Variants in RBL1 observed in about 807,000 individuals in gnomAD.
The protein encoded by RBL1 is RB transcriptional corepressor like 1, also known as retinoblastoma-like protein 1.
Under a neutral mutation model 123.0 loss-of-function variants are expected in RBL1, and 82 were observed. The ratio of observed to expected loss-of-function variants is 0.67; its 90% CI spans 0.56 to 0.80. The LOEUF is 0.80. Among genes scored for constraint, RBL1 ranks in the 30% least tolerant of loss-of-function variants. The pLI is 0.00. For synonymous variants in RBL1, 405 were observed against 441.3 expected, an observed-to-expected ratio of 0.92 and a Z score of 1.03; for missense variants, 1,171 against 1,299.6, an observed-to-expected ratio of 0.90 and a Z score of 1.52.
At chr20:37,051,741 A>G (rs1050742666) in intron 11 of RBL1, among the ~76,000 whole-genome samples, 1 of 152,108 alleles carries the variant, frequency 6.6e-6, no homozygotes, top group Non-Finnish European at 1.5e-5. Context: ...AACAAACAGA[A>G]AACAAAAATA....
chr20:37,093,064 A>G (rs1432248310), intron 1 of RBL1, among the ~76,000 whole-genome samples: 2 of 152,146 alleles, frequency 1.3e-5, no homozygotes, highest in Non-Finnish European at 2.9e-5. Context: ...AACTGAAGAT[A>G]AAGTGTTGTA....
At chr20:37,013,435 C>T (rs201511000) in intron 19 of RBL1, among the ~76,000 whole-genome samples, 9 of 151,034 alleles carry the variant, frequency 6.0e-5, no homozygotes, top group South Asian at 4.2e-4. Context: ...TCAAGTACCC[C>T]GGGACACAAA....
At chr20:37,020,088 C>CT (rs34470853) in intron 18 of RBL1, among the ~76,000 whole-genome samples, 12,644 of 135,816 alleles carry the variant, frequency 0.093, 845 homozygotes, top group East Asian at 0.2. Context: ...TTATACATAA[C>CT]TTTTTTTTTT....
At chr20:37,005,531 G>A (rs943665148) in intron 20 of RBL1, among the ~76,000 whole-genome samples, 2 of 152,040 alleles carry the variant, frequency 1.3e-5, no homozygotes, top group Non-Finnish European at 2.9e-5. Flanking sequence ...AAGAGGCAGA[G>A]AATTCTATTA....
Position 37,095,518 on chromosome 20 carries a change from G to T in RBL1, c.156+255C>A, listed in dbSNP as rs2065720876. On this transcript the variant is annotated intron_variant, in intron 1 of 21. Coordinates refer to ENST00000373664, the MANE Select transcript of RBL1 (RefSeq NM_002895.5). ...TTTGTGGCGCTTGGCGGGGTAGAGGGAAGTGTGGTCAGGAAGCCTGGGGTC... is the reference window on the plus strand; with the variant it reads ...TTTGTGGCGCTTGGCGGGGTAGAGGTAAGTGTGGTCAGGAAGCCTGGGGTC... Among the ~76,000 whole-genome samples the T allele has an allele frequency of 2.0e-5, 3 of 152,208 alleles. No individual in the cohort carries two copies. In the South Asian group the frequency reaches 6.2e-4, roughly 32 times the overall value.
chr20:37,067,766 C>CAAAAAAAAAAAA (rs1168742059), intron 3 of RBL1, among the ~76,000 whole-genome samples: 1 of 62,684 alleles, frequency 1.6e-5, no homozygotes, highest in Non-Finnish European at 3.0e-5. Context: ...TGAGACTCCT[C>CAAAAAAAAAAAA]AAAAAAAAAA....
intron 2 of RBL1, 116 bp from the exon 3 acceptor site, chr20:37,068,302 G>C: frequency 7.2e-7 from 1 of 1,391,722 alleles, no homozygotes; most frequent in Non-Finnish European, 9.5e-7. Context: ...GATTTCCCAG[G>C]CAACATAGTT....
At chr20:37,072,842 G>C (rs187143112) in intron 2 of RBL1, among the ~76,000 whole-genome samples, 2 of 152,212 alleles carry the variant, frequency 1.3e-5, no homozygotes, top group Admixed American at 1.3e-4. Context: ...TTGGCTGTGT[G>C]GCCAGCATCC....
In RBL1 at chr20:37,003,797, G is replaced by A. The variant is rs867135639; in HGVS notation, c.2941C>T (p.Gln981Ter). The A allele has an allele frequency of 1.2e-6, 2 of 1,613,970 alleles. No individual in the cohort carries two copies. Among genetic ancestry groups the A allele is most frequent in the Non-Finnish European group, 1.7e-6 (2 of 1,179,904 alleles). ...GGGGAAATATAAATGGAGTGCTGCT[G>A]GGAAATGCGGCGTGGTGAGCCTGGC... ...QQPGSPRRIS[Q>*]QHSIYISPHK... Residue 981 changes from glutamine to a stop codon, truncating the protein, a stop_gained, in exon 21 of 22, where the codon CAG (glutamine) becomes TAG (stop). Coordinates refer to ENST00000373664, the MANE Select transcript of RBL1 (RefSeq NM_002895.5). LOFTEE classifies it high-confidence loss of function.
chr20:37,016,938 A>G (rs112290580), intron 19 of RBL1, among the ~76,000 whole-genome samples: 4 of 82,492 alleles, frequency 4.8e-5, no homozygotes, highest in African/African-American at 1.4e-4. Context: ...GGAGGGGGAG[A>G]GGAGGGGGAT....
intron 12 of RBL1, among the ~76,000 whole-genome samples, chr20:37,046,125 T>C (rs2064815940): frequency 6.6e-6 from 1 of 152,240 alleles, no homozygotes; most frequent in Non-Finnish European, 1.5e-5. Context: ...TCATTCACAC[T>C]GAATTAGCTC....
intron 19 of RBL1, among the ~76,000 whole-genome samples, chr20:37,011,433 AT>A (rs5841248): frequency 1.3e-3 from 174 of 135,720 alleles, no homozygotes; most frequent in African/African-American, 3.3e-3. Flanking sequence ...CAAGGTCAGA[AT>A]TTTTTTTTTT....
chr20:37,000,180 C>T (rs1489352383), intron 21 of RBL1, among the ~76,000 whole-genome samples: 5 of 148,306 alleles, frequency 3.4e-5, no homozygotes, highest in Non-Finnish European at 6.0e-5. Flanking sequence ...GCCTGGCAAC[C>T]GCCCCGTCTG....
At chr20:37,066,960 A>T in intron 5 of RBL1, 33 bp downstream of exon 5, 1 of 1,593,350 alleles carries the variant, frequency 6.3e-7, no homozygotes, top group Non-Finnish European at 8.6e-7. Flanking sequence ...AAAAACTGAT[A>T]ATCAGTTTTC....
At chr20:37,064,301 C>T (rs964306673) in intron 7 of RBL1, among the ~76,000 whole-genome samples, 5 of 151,646 alleles carry the variant, frequency 3.3e-5, no homozygotes, top group African/African-American at 1.2e-4. Context: ...CCACACCGAG[C>T]TAATTTTTGT....
intron 19 of RBL1, among the ~76,000 whole-genome samples, chr20:37,009,029 CT>C (rs541774638): frequency 1.2e-3 from 171 of 146,090 alleles, no homozygotes; most frequent in Middle Eastern, 3.5e-3. Context: ...CCCCAAAACA[CT>C]TTTTTTTTTT....
At chr20:36,999,454 C>G (rs2063927896) in intron 21 of RBL1, among the ~76,000 whole-genome samples, 1 of 143,618 alleles carries the variant, frequency 7.0e-6, no homozygotes, top group Non-Finnish European at 1.5e-5. Context: ...CCTCCTCTCC[C>G]TCCCTCCTCT....
At position 37,018,141 on chromosome 20, in the gene RBL1, T is replaced by G. The variant is rs144386483; in HGVS notation, c.2722+138A>C. 4.4e-5 allele frequency: 44 copies of G among 1,003,096 alleles called. No homozygotes were observed. In the African/African-American group the frequency reaches 7.1e-4, roughly 16 times the overall value. 62.1% of individuals were successfully genotyped at this position (1,003,096 alleles called of 1,614,324 possible). A position where few individuals can be genotyped will look rare whatever the true frequency, so the allele number is the denominator to read the frequency against. On this transcript the variant is annotated intron_variant, in intron 19 of 21. Coordinates refer to ENST00000373664, the MANE Select transcript of RBL1 (RefSeq NM_002895.5). ...ATACCAGCACATTCTAATCTCAAAC[T>G]TATTTGTTTTCAAAACATATGCATT... is the stretch of plus-strand genomic sequence containing the variant.
chr20:37,000,178 A>C (rs1177768530), intron 21 of RBL1, among the ~76,000 whole-genome samples: 1 of 140,880 alleles, frequency 7.1e-6, no homozygotes, highest in African/African-American at 2.7e-5. Context: ...CTGCCTGGCA[A>C]CCGCCCCGTC....
Sources: allele counts gnomAD v4.1 joint callset (sites outside exome capture counted in the v4.1 genomes callset), GRCh38; gene constraint gnomAD v4.1.1; transcripts MANE v1.5; gene names NCBI Gene and HGNC (gene_info 2026-07-23, HGNC 2026-07-21).